The following YBEY variants were observed in gnomAD, a reference collection of about 807,000 sequenced individuals.
YBEY encodes the protein ybeY metalloendoribonuclease.
In YBEY, 15 loss-of-function variants were observed where a neutral mutation model predicts 13.5. That is an observed-to-expected ratio of 1.11 (90% CI 0.75 to 1.72). The LOEUF (loss-of-function observed/expected upper bound fraction) is 1.72, where lower values mean the gene tolerates loss of function less well. Ranked by LOEUF, YBEY falls within the 40% of genes most tolerant of loss-of-function variation. The probability of loss-of-function intolerance (pLI) is 0.00; values close to 1 mark genes in which losing one functional copy is unlikely to be tolerated. For missense variants in YBEY, 244 were observed against 208.4 expected, an observed-to-expected ratio of 1.17 and a Z score of -1.05; for synonymous variants, 101 against 83.1, an observed-to-expected ratio of 1.21 and a Z score of -1.17.
chr21:46,296,117 T>A (rs1303730240), intron 3 of YBEY, 45 bp from the exon 4 acceptor site: 1 of 1,611,906 alleles, frequency 6.2e-7, no homozygotes, highest in South Asian at 1.1e-5. Flanking sequence ...AGGGGCAGGT[T>A]CCTGTGGGGT....
At chr21:46,288,705 G>A (rs1241981646) in intron 2 of YBEY, among the ~76,000 whole-genome samples, 1 of 150,070 alleles carries the variant, frequency 6.7e-6, no homozygotes, top group Non-Finnish European at 1.5e-5. Flanking sequence ...AAGAAGAAAA[G>A]AAAATGCTGA....
the YBEY span, among the ~76,000 whole-genome samples, chr21:46,311,910 T>C: frequency 8.0e-6 from 1 of 125,298 alleles, no homozygotes; most frequent in East Asian, 2.6e-4. Flanking sequence ...CAACCATTCA[T>C]CCACCCACCC....
the YBEY span, among the ~76,000 whole-genome samples, chr21:46,304,994 AAC>A: frequency 1.4e-4 from 22 of 152,366 alleles, no homozygotes; most frequent in Admixed American, 7.8e-4. Flanking sequence ...GGACACAGCG[AAC>A]ACAGTCAGAC....
chr21:46,303,745 A>ATATATATATT, the YBEY span, among the ~76,000 whole-genome samples: 1 of 23,822 alleles, frequency 4.2e-5, no homozygotes, highest in African/African-American at 1.7e-4. Context: ...ATATATATAT[A>ATATATATATT]TTTTTTTTTT....
At chr21:46,289,601 A>G (rs1233950905) in intron 2 of YBEY, among the ~76,000 whole-genome samples, 1 of 150,852 alleles carries the variant, frequency 6.6e-6, no homozygotes, top group Non-Finnish European at 1.5e-5. Flanking sequence ...GCCCACCACC[A>G]CATCTGGCTA....
At chr21:46,302,357 T>G (rs1054733958), downstream of YBEY, 5 of 1,070,992 alleles carry the variant, frequency 4.7e-6, no homozygotes, top group African/African-American at 1.6e-5. Context: ...GATGGGGGCT[T>G]CACAGCCAGA....
chr21:46,298,639 C>T (rs964024710), downstream of YBEY, among the ~76,000 whole-genome samples: 47 of 151,888 alleles, frequency 3.1e-4, no homozygotes, highest in Non-Finnish European at 5.6e-4. Context: ...CTGTGTTAGC[C>T]AGGATGGTCT....
chr21:46,307,278 C>G, the YBEY span, among the ~76,000 whole-genome samples: 3,294 of 152,282 alleles, frequency 0.022, 45 homozygotes, highest in Non-Finnish European at 0.029. Context: ...TCCCAAAGTG[C>G]TGGGATGACA....
At chr21:46,309,226 C>T in the YBEY span, among the ~76,000 whole-genome samples, 1 of 151,780 alleles carries the variant, frequency 6.6e-6, no homozygotes, top group East Asian at 1.9e-4. Context: ...TTTAGGAGGC[C>T]GAGGCAGGCA....
At chr21:46,304,790 G>C in the YBEY span, among the ~76,000 whole-genome samples, 1 of 152,192 alleles carries the variant, frequency 6.6e-6, no homozygotes, top group Non-Finnish European at 1.5e-5. Flanking sequence ...TGTAAGCCTG[G>C]AATCTTGAGC....
chr21:46,298,200 G>A (rs1205288390), downstream of YBEY, among the ~76,000 whole-genome samples: 1 of 152,228 alleles, frequency 6.6e-6, no homozygotes, highest in Middle Eastern at 3.4e-3. Context: ...CTACAATTCT[G>A]CTCATCTGTT....
the YBEY span, among the ~76,000 whole-genome samples, chr21:46,310,802 A>G: frequency 6.7e-6 from 1 of 149,298 alleles, no homozygotes; most frequent in Non-Finnish European, 1.5e-5. Flanking sequence ...AAAGTAAGAC[A>G]CTCTCTCTCT....
chr21:46,301,817 C>G, downstream of YBEY: 4 of 1,262,184 alleles, frequency 3.2e-6, no homozygotes, highest in Non-Finnish European at 4.0e-6. Context: ...TGGAATGGCC[C>G]CGTGACCAGA....
chr21:46,296,734 C>A (rs1456026331), intron 4 of YBEY, among the ~76,000 whole-genome samples: 1 of 152,192 alleles, frequency 6.6e-6, no homozygotes, highest in East Asian at 1.9e-4. Flanking sequence ...GTGGCTCACG[C>A]CTGTAATCCC....
At chr21:46,291,280 C>CTG in intron 2 of YBEY, 54 bp from the exon 3 acceptor site, 1 of 1,607,922 alleles carries the variant, frequency 6.2e-7, no homozygotes, top group Non-Finnish European at 8.5e-7. Context: ...ACCTGTCAAC[C>CTG]TGTGGTTGGG....
downstream of YBEY, chr21:46,301,649 G>A (rs554202030): frequency 2.3e-5 from 25 of 1,094,018 alleles, no homozygotes; most frequent in East Asian, 7.1e-4. Context: ...TGGCGTCCAC[G>A]GCCTCAACTT....
chr21:46,295,706 G>T (rs1432119153), intron 3 of YBEY, among the ~76,000 whole-genome samples: 1 of 97,852 alleles, frequency 1.0e-5, no homozygotes, highest in Non-Finnish European at 2.1e-5. Flanking sequence ...GTAAAATCAG[G>T]GGCCACCGGA....
downstream of YBEY, chr21:46,300,838 A>G (rs1179088891): frequency 8.3e-7 from 1 of 1,210,772 alleles, no homozygotes; most frequent in Non-Finnish European, 1.1e-6. Context: ...ACTTAAAAAT[A>G]TGTAAACAAC....
At position 46,287,070 on chromosome 21, in the gene YBEY, A is replaced by C. The variant is rs2081466112; in HGVS notation, c.157A>C (p.Ile53Leu). The change falls in exon 2 of 5, where the codon ATC (isoleucine) becomes CTC (leucine). Residue 53 changes from isoleucine (I) to leucine (L), a missense_variant. Transcript: ENST00000397701. The part of the protein sequence containing the change: ...DNKNIQHINR[I>L]YRDRNVPTDV... Reference sequence around the variant, plus strand: ...CAAGAATATTCAGCACATTAATAGAATCTACAGAGATAGAAATGTCCCAAC... The same window carrying C: ...CAAGAATATTCAGCACATTAATAGACTCTACAGAGATAGAAATGTCCCAAC... 1 of 1,614,040 alleles carries C rather than the reference A, an allele frequency of 6.2e-7. No homozygotes were observed. Among genetic ancestry groups the C allele is most frequent in the African/African-American group, 1.3e-5 (1 of 75,024 alleles).
Sources: gnomAD v4.1 joint callset for allele counts (sites outside exome capture counted in the v4.1 genomes callset) on GRCh38, gnomAD v4.1.1 for gene constraint, MANE v1.5 for transcripts, NCBI Gene and HGNC (gene_info 2026-07-23, HGNC 2026-07-21) for gene names.